Variants in RIMS1 observed in about 807,000 individuals in gnomAD.
The protein encoded by RIMS1 is regulating synaptic membrane exocytosis protein 1.
Under a neutral mutation model 214.1 loss-of-function variants are expected in RIMS1, and 83 were observed. The observed-to-expected ratio is 0.39, with a 90% CI of 0.32 to 0.47. RIMS1 has a LOEUF of 0.47. Ranked by LOEUF, RIMS1 falls within the 20% of genes least tolerant of loss-of-function variation. The pLI is 0.99. For missense variants in RIMS1, 2,050 were observed against 2,161.8 expected (o/e 0.95, Z 1.03); for synonymous variants, 793 against 786.8 (o/e 1.01, Z -0.13).
intron 12 of RIMS1, among the ~76,000 whole-genome samples, chr6:72,249,414 T>C (rs1028507898): frequency 2.0e-5 from 3 of 152,180 alleles, no homozygotes; most frequent in Non-Finnish European, 4.4e-5. Flanking sequence ...GGCCTTCTTG[T>C]AGTTTGAAGA....
intron 4 of RIMS1, among the ~76,000 whole-genome samples, chr6:72,167,290 A>G (rs2046397015): frequency 6.6e-6 from 1 of 151,854 alleles, no homozygotes; most frequent in African/African-American, 2.4e-5. Flanking sequence ...TAATGTTTTT[A>G]TATGGTTATA....
chr6:72,108,112 T>C (rs1430012241), intron 4 of RIMS1, among the ~76,000 whole-genome samples: 3 of 152,118 alleles, frequency 2.0e-5, no homozygotes, highest in African/African-American at 7.2e-5. Flanking sequence ...TTGACTTCCC[T>C]GGGCTCAGGC....
chr6:72,241,131 C>T (rs2066718659), intron 9 of RIMS1, among the ~76,000 whole-genome samples: 1 of 152,146 alleles, frequency 6.6e-6, no homozygotes, highest in Non-Finnish European at 1.5e-5. Context: ...AAAATAATTA[C>T]TTTAAAGTAA....
intron 6 of RIMS1, among the ~76,000 whole-genome samples, chr6:72,187,112 C>A (rs376303443): frequency 6.6e-6 from 1 of 150,828 alleles, no homozygotes; most frequent in Non-Finnish European, 1.5e-5. Flanking sequence ...GGCGATAGAG[C>A]GAGACCCCGT....
intron 4 of RIMS1, among the ~76,000 whole-genome samples, chr6:72,170,932 ACT>A (rs1447427853): frequency 6.6e-6 from 1 of 152,136 alleles, no homozygotes. Flanking sequence ...GTTTTGTATA[ACT>A]CAATCCTAAC....
Position 72,182,942 on chromosome 6 carries a change from A to C in RIMS1, c.1471A>C (p.Lys491Gln). ...AVLMRKAKREKVETMLRNDSL... is the reference protein window; with the variant it reads ...AVLMRKAKREQVETMLRNDSL... ...CCTCATGCGGAAGGCCAAGCGCGAGAAGGTGGAGACCATGCTGCGGAACGA... is the reference window on the plus strand; with the variant it reads ...CCTCATGCGGAAGGCCAAGCGCGAGCAGGTGGAGACCATGCTGCGGAACGA... Residue 491 changes from lysine to glutamine, a missense_variant, in exon 6 of 34, where the codon AAG becomes CAG. By Grantham distance (53) the Lys-to-Gln change is moderately conservative. Around this residue, in one of 6 missense-constraint regions of RIMS1, gnomAD observed 882 missense variants for 828.9 expected, o/e 1.06. Coordinates refer to ENST00000521978, the MANE Select transcript of RIMS1 (RefSeq NM_014989.7). The C allele has an allele frequency of 1.9e-6, 3 of 1,589,830 alleles. No individual in the cohort carries two copies. The highest frequency in any genetic ancestry group is 2.6e-6 in the Non-Finnish European group (3 of 1,169,324).
chr6:72,078,063 T>C (rs549926461), intron 2 of RIMS1, among the ~76,000 whole-genome samples: 33 of 152,322 alleles, frequency 2.2e-4, no homozygotes, highest in Middle Eastern at 3.4e-3. Flanking sequence ...CCCAGAAATC[T>C]TTGGGTTTTG....
chr6:72,148,309 C>T (rs1410599215), intron 4 of RIMS1, among the ~76,000 whole-genome samples: 2 of 152,066 alleles, frequency 1.3e-5, no homozygotes, highest in African/African-American at 4.8e-5. Flanking sequence ...GTTTGGTTAA[C>T]CATCTGGAAA....
intron 28 of RIMS1, among the ~76,000 whole-genome samples, chr6:72,323,486 G>A (rs188424124): frequency 9.3e-4 from 142 of 151,930 alleles, no homozygotes; most frequent in Non-Finnish European, 1.8e-3. Flanking sequence ...AATGACATAT[G>A]AGAAACAGTA....
intron 1 of RIMS1, among the ~76,000 whole-genome samples, chr6:71,918,048 A>G (rs971953828): frequency 5.3e-5 from 8 of 152,168 alleles, no homozygotes; most frequent in African/African-American, 1.9e-4. Flanking sequence ...GTAGTCGAAT[A>G]TTCAAGTTGG....
At chr6:72,125,081 G>A (rs1362322147) in intron 4 of RIMS1, among the ~76,000 whole-genome samples, 1 of 152,140 alleles carries the variant, frequency 6.6e-6, no homozygotes, top group Non-Finnish European at 1.5e-5. Context: ...AGAATTTTTA[G>A]CTTTTCTGCT....
At chr6:72,056,329 G>A (rs896295409) in intron 2 of RIMS1, among the ~76,000 whole-genome samples, 3 of 151,888 alleles carry the variant, frequency 2.0e-5, no homozygotes, top group African/African-American at 7.3e-5. Flanking sequence ...TTATTACCTG[G>A]GTGACAAAAT....
intron 2 of RIMS1, among the ~76,000 whole-genome samples, chr6:72,081,878 C>G (rs1833508041): frequency 6.6e-6 from 1 of 152,084 alleles, no homozygotes; most frequent in African/African-American, 2.4e-5. Context: ...GTTTTATATG[C>G]ATATTAACAA....
chr6:71,939,448 A>G (rs991006548), intron 1 of RIMS1, among the ~76,000 whole-genome samples: 1 of 152,208 alleles, frequency 6.6e-6, no homozygotes, highest in African/African-American at 2.4e-5. Flanking sequence ...TGTTATAGCA[A>G]CAAGCCCTCT....
chr6:71,950,311 G>C (rs976845995), intron 1 of RIMS1, among the ~76,000 whole-genome samples: 6 of 151,934 alleles, frequency 3.9e-5, no homozygotes, highest in African/African-American at 1.5e-4. Context: ...GTGTATATTT[G>C]TTAAAGCATC....
chr6:71,995,885 C>G (rs1481919200), intron 2 of RIMS1, among the ~76,000 whole-genome samples: 1 of 152,250 alleles, frequency 6.6e-6, no homozygotes, highest in East Asian at 1.9e-4. Flanking sequence ...CTTCCCAGTT[C>G]AAGCGATTCT....
At position 72,217,329 on chromosome 6, in the gene RIMS1, T is replaced by C. The variant is rs2056571750; in HGVS notation, c.1679-16444T>C. ...TATCCAAAAGAGTAAGATACTAAAA[T>C]GTTTCATTTAGATTCTATCAGTAGA... On this transcript the variant is annotated intron_variant, in intron 6 of 33. Coordinates refer to ENST00000521978, the MANE Select transcript of RIMS1 (RefSeq NM_014989.7). 3 of 1,231,516 alleles carry C rather than the reference T, an allele frequency of 2.4e-6. 1 individual carries two copies. The South Asian group carries it at 4.3e-5, about 18-fold the overall frequency. The allele number at this position is 1,231,516 out of a possible 1,614,324, so 76.3% of individuals were successfully genotyped here.
At chr6:72,341,304 T>G (rs1243602555) in intron 29 of RIMS1, among the ~76,000 whole-genome samples, 3 of 151,414 alleles carry the variant, frequency 2.0e-5, no homozygotes, top group Non-Finnish European at 4.4e-5. Context: ...CCCTGGCCAT[T>G]GATTAAATGT....
At chr6:72,240,584 G>A (rs993312069) in intron 9 of RIMS1, among the ~76,000 whole-genome samples, 13 of 145,156 alleles carry the variant, frequency 9.0e-5, no homozygotes, top group African/African-American at 2.8e-4. Context: ...TATTTTGAAA[G>A]CACTCTTAAT....
Sources: gnomAD v4.1 joint callset for allele counts (sites outside exome capture counted in the v4.1 genomes callset) on GRCh38, gnomAD v4.1.1 for gene constraint, gnomAD v4.1.1 regional missense constraint, MANE v1.5 for transcripts, NCBI Gene and HGNC (gene_info 2026-07-23, HGNC 2026-07-21) for gene names.